MALRD1: variants seen among roughly 807,000 people sequenced by gnomAD.
MALRD1 encodes MAM and LDL receptor class A domain containing 1, also known as MAM and LDL-receptor class A domain-containing protein 1.
In MALRD1, 247 loss-of-function variants were observed where a neutral mutation model predicts 242.1. That is an observed-to-expected ratio of 1.02 (90% CI 0.92 to 1.13). The LOEUF (loss-of-function observed/expected upper bound fraction) is 1.13, where lower values mean the gene tolerates loss of function less well. Among genes scored for constraint, MALRD1 ranks in the 50% most tolerant of loss-of-function variants. The pLI is 0.00. For synonymous variants in MALRD1, 995 were observed against 866.6 expected, an observed-to-expected ratio of 1.15 and a Z score of -2.60; for missense variants, 2,989 against 2,533.1, an observed-to-expected ratio of 1.18 and a Z score of -3.86.
intron 19 of MALRD1, among the ~76,000 whole-genome samples, chr10:19,268,182 A>G (rs1011361914): frequency 7.9e-6 from 1 of 127,242 alleles, no homozygotes; most frequent in Admixed American, 8.6e-5. Context: ...AAGATGGAAA[A>G]TGTCATTGAA....
At chr10:19,610,913 A>C (rs985056591) in intron 35 of MALRD1, among the ~76,000 whole-genome samples, 1 of 151,992 alleles carries the variant, frequency 6.6e-6, no homozygotes, top group Non-Finnish European at 1.5e-5. Context: ...AGTCCCTGAC[A>C]CATAGCAGGC....
At chr10:19,365,688 A>AAC (rs146161301) in intron 26 of MALRD1, among the ~76,000 whole-genome samples, 21 of 142,382 alleles carry the variant, frequency 1.5e-4, no homozygotes, top group African/African-American at 4.4e-4. Flanking sequence ...AAAAAAAAAA[A>AAC]CAAGCTACTA....
chr10:19,603,639 C>T (rs1838471130), intron 34 of MALRD1, among the ~76,000 whole-genome samples: 1 of 152,094 alleles, frequency 6.6e-6, no homozygotes, highest in South Asian at 2.1e-4. Context: ...ATGCCTCCGG[C>T]TTTGTTGTTT....
chr10:19,701,363 C>T (rs1388414785), intron 38 of MALRD1, among the ~76,000 whole-genome samples: 1 of 152,050 alleles, frequency 6.6e-6, no homozygotes, highest in Non-Finnish European at 1.5e-5. Flanking sequence ...CCGGATAGTT[C>T]TGGGGAATCA....
At chr10:19,187,351 A>G (rs868448560) in intron 14 of MALRD1, among the ~76,000 whole-genome samples, 2 of 152,146 alleles carry the variant, frequency 1.3e-5, no homozygotes, top group South Asian at 4.1e-4. Context: ...GAGCTTTGCA[A>G]TTTCCAAGAG....
chr10:19,459,626 A>G (rs987140334), intron 29 of MALRD1, among the ~76,000 whole-genome samples: 10 of 152,106 alleles, frequency 6.6e-5, no homozygotes, highest in Admixed American at 3.3e-4. Flanking sequence ...AGTCAAAGCC[A>G]TGGATGAATC....
At chr10:19,602,756 T>C (rs1419670038) in intron 34 of MALRD1, among the ~76,000 whole-genome samples, 2 of 152,278 alleles carry the variant, frequency 1.3e-5, no homozygotes, top group East Asian at 1.9e-4. Flanking sequence ...TTCTAGATCC[T>C]TGAGGAATCA....
chr10:19,374,048 A>G (rs1845497742), intron 26 of MALRD1, among the ~76,000 whole-genome samples: 1 of 152,178 alleles, frequency 6.6e-6, no homozygotes, highest in South Asian at 2.1e-4. Flanking sequence ...TTGTGAGGGG[A>G]CTTTAAGTTT....
intron 32 of MALRD1, among the ~76,000 whole-genome samples, chr10:19,533,440 G>C (rs1447798866): frequency 6.6e-6 from 1 of 152,056 alleles, no homozygotes; most frequent in Non-Finnish European, 1.5e-5. Context: ...CAACAGTCTT[G>C]GTGGGTGTAT....
At chr10:19,472,789 G>A (rs1398036883) in intron 29 of MALRD1, among the ~76,000 whole-genome samples, 1 of 151,494 alleles carries the variant, frequency 6.6e-6, no homozygotes, top group Non-Finnish European at 1.5e-5. Context: ...GCCTTTCTAA[G>A]TCTAGCTAAA....
chr10:19,537,440 T>G (rs2131367112), intron 32 of MALRD1, among the ~76,000 whole-genome samples: 1 of 152,240 alleles, frequency 6.6e-6, no homozygotes, highest in Admixed American at 6.5e-5. Context: ...TTTGGTGTCT[T>G]ACCAGACCTT....
upstream of MALRD1, among the ~76,000 whole-genome samples, chr10:19,048,448 C>G (rs147350310): frequency 8.7e-4 from 133 of 152,266 alleles, 4 homozygotes; most frequent in East Asian, 0.022. Context: ...TTTCATAGAG[C>G]AATTCTAATA....
chr10:19,400,290 A>G (rs1846776494), intron 28 of MALRD1, among the ~76,000 whole-genome samples: 1 of 152,168 alleles, frequency 6.6e-6, no homozygotes, highest in Admixed American at 6.5e-5. Flanking sequence ...AAGGTAGTTT[A>G]TAACTTCATG....
rs867176306 is a variant in MALRD1 at position 19,387,676 on chromosome 10, G to C, written c.4590G>C (p.Trp1530Cys). Residue 1530 changes from tryptophan to cysteine, a missense_variant, in exon 27 of 40, where the codon TGG becomes TGC. Coordinates refer to ENST00000454679, the MANE Select transcript of MALRD1 (RefSeq NM_001142308.3). ...SCTFEKGWCGWQNSQADNFDW... is the reference protein window; with the variant it reads ...SCTFEKGWCGCQNSQADNFDW... ...CTTTTGAAAAAGGCTGGTGTGGCTG[G>C]CAAAACTCCCAGGCTGACAACTTTG... The C allele has an allele frequency of 5.2e-6, 8 of 1,550,202 alleles. No individual in the cohort carries two copies. The highest frequency in any genetic ancestry group is 2.7e-5 in the African/African-American group (2 of 72,994).
intron 28 of MALRD1, among the ~76,000 whole-genome samples, chr10:19,400,784 G>A (rs1846802447): frequency 6.6e-6 from 1 of 152,182 alleles, no homozygotes; most frequent in South Asian, 2.1e-4. Flanking sequence ...TGGAGGCCAA[G>A]GCAGGCAGAT....
chr10:19,294,271 C>T (rs917031237), intron 21 of MALRD1, among the ~76,000 whole-genome samples: 13 of 151,944 alleles, frequency 8.6e-5, no homozygotes, highest in African/African-American at 3.1e-4. Context: ...TAATTGCCCC[C>T]AAAATTTGTA....
intron 28 of MALRD1, among the ~76,000 whole-genome samples, chr10:19,444,686 C>G (rs1834864171): frequency 6.6e-6 from 1 of 152,216 alleles, no homozygotes; most frequent in Non-Finnish European, 1.5e-5. Context: ...CATTGTTAAT[C>G]TGATGGGCAT....
chr10:19,590,381 TTATA>T (rs1168266337), intron 33 of MALRD1, among the ~76,000 whole-genome samples: 1 of 148,212 alleles, frequency 6.7e-6, no homozygotes, highest in East Asian at 1.9e-4. Context: ...TATACATATT[TTATA>T]TATGTATATA....
chr10:19,095,746 C>T (rs972096829), intron 4 of MALRD1, among the ~76,000 whole-genome samples: 12 of 152,124 alleles, frequency 7.9e-5, no homozygotes, highest in African/African-American at 2.9e-4. Flanking sequence ...GCTGTGGATG[C>T]TCAAGTGTTA....
Sources: gnomAD v4.1 joint callset for allele counts (sites outside exome capture counted in the v4.1 genomes callset) on GRCh38, gnomAD v4.1.1 for gene constraint, MANE v1.5 for transcripts, NCBI Gene and HGNC (gene_info 2026-07-23, HGNC 2026-07-21) for gene names.